The following KCNK16 variants were observed in gnomAD, a reference collection of about 807,000 sequenced individuals.
KCNK16 encodes potassium channel subfamily K member 16.
In KCNK16, 23 loss-of-function variants were observed where a neutral mutation model predicts 23.0. The observed-to-expected ratio is 1.00, with a 90% confidence interval of 0.72 to 1.41. The LOEUF (loss-of-function observed/expected upper bound fraction) is 1.41, where lower values mean the gene tolerates loss of function less well. Among genes scored for constraint, KCNK16 ranks in the 40% most tolerant of loss-of-function variants. The pLI, the probability that KCNK16 is intolerant of heterozygous loss-of-function variation, is 0.00. For synonymous variants in KCNK16, 145 were observed against 153.5 expected (o/e 0.94, Z 0.41); for missense variants, 327 against 365.8 (o/e 0.89, Z 0.87).
chr6:39,322,697 C>G lies in KCNK16; in HGVS notation c.-157G>C, dbSNP rs1164735608. 2 of 1,187,820 alleles carry G rather than the reference C, an allele frequency of 1.7e-6. No homozygotes were observed. Among genetic ancestry groups the G allele is most frequent in the African/African-American group, 3.1e-5 (2 of 64,736 alleles). The allele number at this position is 1,187,820 out of a possible 1,614,324, so 73.6% of individuals were successfully genotyped here. On this transcript the variant is annotated 5_prime_UTR_variant, in exon 1 of 5. Coordinates refer to ENST00000437525, the MANE Select transcript of KCNK16 (RefSeq NM_001135106.2). Reference sequence around the variant, plus strand: ...CTGGAGGCTGGGGAGACTGTTTGAACAGTGCGGCTCAGCTTGGCTGCACTA... The same window carrying G: ...CTGGAGGCTGGGGAGACTGTTTGAAGAGTGCGGCTCAGCTTGGCTGCACTA...
rs954340211 is a variant in KCNK16 at position 39,316,366 on chromosome 6, C to T, written c.738G>A (p.Trp246Ter). ...GGCCCAGTGGGAGGATCAGCGCCAG[C>T]CACGCCAGGCCCAGGAGGATCCAGA... ...AAIWILLGLA[W>*]LALILPLGPL... is the part of the protein sequence containing the mutation. Residue 246 changes from tryptophan to a stop codon, truncating the protein, a stop_gained, in exon 5 of 5, where the codon TGG becomes TGA. Transcript: ENST00000437525. LOFTEE classifies it high-confidence loss of function. 6.2e-7 allele frequency: 1 copy of T among 1,612,606 alleles called. No individual in the cohort carries two copies. The highest frequency in any genetic ancestry group is 8.5e-7 in the Non-Finnish European group (1 of 1,179,608).
chr6:39,317,779 G>A lies in KCNK16; in HGVS notation c.495+7C>T. 1 of 1,578,828 alleles carries A rather than the reference G, an allele frequency of 6.3e-7. No homozygotes were observed. The highest frequency in any genetic ancestry group is 8.6e-7 in the Non-Finnish European group (1 of 1,162,464). ...CAGCAGGCCTGTAAGGGAGTTAGGGGGCATACCTGGGAGCGCCTGGGACGG... is the reference window on the plus strand; with the variant it reads ...CAGCAGGCCTGTAAGGGAGTTAGGGAGCATACCTGGGAGCGCCTGGGACGG... On this transcript the variant is annotated splice_region_variant and intron_variant, in intron 3 of 4. Transcript: ENST00000437525.
chr6:39,317,168 C>T (rs1055255605), intron 3 of KCNK16, among the ~76,000 whole-genome samples: 4 of 152,172 alleles, frequency 2.6e-5, no homozygotes, highest in Non-Finnish European at 5.9e-5. Context: ...GGTCAAGAAG[C>T]GATTTGGAGA....
At position 39,316,268 on chromosome 6, in the gene KCNK16, G is replaced by A. The variant is rs1400471261; in HGVS notation, c.836C>T (p.Ser279Phe). The change falls in exon 5 of 5, where the codon TCT (serine) becomes TTT (phenylalanine). Residue 279 changes from serine (S) to phenylalanine (F), a missense_variant. Coordinates refer to ENST00000437525, the MANE Select transcript of KCNK16 (RefSeq NM_001135106.2). ...RGLGVKDGAA[S>F]DPSGLPRPQK... ...AGGCCTGGGGAGCCCACTGGGGTCA[G>A]AGGCTGCCCCATCCTTGACGCCGAG... is the stretch of plus-strand genomic sequence containing the variant. 6.3e-7 allele frequency: 1 copy of A among 1,584,180 alleles called. No homozygotes were observed. The highest frequency in any genetic ancestry group is 8.6e-7 in the Non-Finnish European group (1 of 1,165,966).
chr6:39,320,443 C>T (rs1452625997), intron 1 of KCNK16, among the ~76,000 whole-genome samples: 1 of 152,110 alleles, frequency 6.6e-6, no homozygotes, highest in Non-Finnish European at 1.5e-5. Context: ...TGCAGGTGGC[C>T]ATGGGTTCTG....
chr6:39,318,988 G>C (rs1191999235), intron 2 of KCNK16, 31 bp downstream of exon 2: 2 of 1,465,046 alleles, frequency 1.4e-6, no homozygotes. Flanking sequence ...CAGGGGCCTT[G>C]GGGAAGCTCT....
intron 1 of KCNK16, 38 bp downstream of exon 1, chr6:39,322,289 CA>C: frequency 5.0e-6 from 8 of 1,593,686 alleles, no homozygotes; most frequent in Non-Finnish European, 6.9e-6. Context: ...CCAACCTTCC[CA>C]AGCCTCTCCA....
At position 39,322,660 on chromosome 6, in the gene KCNK16, C is replaced by T. The variant is rs192041509; in HGVS notation, c.-120G>A. 910 of 1,406,002 alleles carry T rather than the reference C, an allele frequency of 6.5e-4. 9 individuals carry two copies. The African/African-American group carries it at 0.011, about 18-fold the overall frequency. 87.1% of individuals were successfully genotyped at this position (1,406,002 alleles called of 1,614,324 possible). On this transcript the variant is annotated 5_prime_UTR_variant, in exon 1 of 5. Coordinates refer to ENST00000437525, the MANE Select transcript of KCNK16 (RefSeq NM_001135106.2). Reference sequence around the variant, plus strand: ...CTGCCGCCTGCCCTGCCCTCCTCCTCGGCACAGGTGTCTGGAGGCTGGGGA... The same window carrying T: ...CTGCCGCCTGCCCTGCCCTCCTCCTTGGCACAGGTGTCTGGAGGCTGGGGA...
chr6:39,322,649 G>A lies in KCNK16; in HGVS notation c.-109C>T. On this transcript the variant is annotated 5_prime_UTR_variant, in exon 1 of 5. Transcript: ENST00000437525. ...CTGTGCCCAGGCTGCCGCCTGCCCT[G>A]CCCTCCTCCTCGGCACAGGTGTCTG... is the stretch of plus-strand genomic sequence containing the variant. 6.9e-7 allele frequency: 1 copy of A among 1,443,872 alleles called. No homozygotes were observed. Among genetic ancestry groups the A allele is most frequent in the Non-Finnish European group, 9.1e-7 (1 of 1,095,022 alleles). The allele number at this position is 1,443,872 out of a possible 1,614,324, so 89.4% of individuals were successfully genotyped here. A position where few individuals can be genotyped will look rare whatever the true frequency, so the allele number is the denominator to read the frequency against.
chr6:39,315,410 G>T, downstream of KCNK16: 1 of 1,551,126 alleles, frequency 6.4e-7, no homozygotes, highest in Non-Finnish European at 8.7e-7. Context: ...CCCAGAGGGA[G>T]TGATGAAGTT....
In KCNK16 at chr6:39,319,256, T is replaced by C. The variant is rs1241564847; in HGVS notation, c.214-123A>G. On this transcript the variant is annotated intron_variant, in intron 1 of 4. Transcript: ENST00000437525. The surrounding 1 kb of genome is among the most constrained non-coding windows in gnomAD (Gnocchi z 4.2). ...ATCTAATGATACTCTTAGATGATAT[T>C]GTTCCCATTTCATGGAAAAAGGAAA... 3 of 657,660 alleles carry C rather than the reference T, an allele frequency of 4.6e-6. No individual in the cohort carries two copies. In the Admixed American group the frequency reaches 7.2e-5, roughly 16 times the overall value. 40.7% of individuals were successfully genotyped at this position (657,660 alleles called of 1,614,324 possible). A position where few individuals can be genotyped will look rare whatever the true frequency, so the allele number is the denominator to read the frequency against.
At chr6:39,321,867 C>G (rs746983360) in intron 1 of KCNK16, among the ~76,000 whole-genome samples, 1 of 152,200 alleles carries the variant, frequency 6.6e-6, no homozygotes, top group Non-Finnish European at 1.5e-5. Flanking sequence ...GTCTCCCACC[C>G]GCAGCCGTCT....
At chr6:39,321,057 T>A (rs554327972) in intron 1 of KCNK16, among the ~76,000 whole-genome samples, 25 of 152,290 alleles carry the variant, frequency 1.6e-4, no homozygotes, top group African/African-American at 6.0e-4. Flanking sequence ...AGCCCACGCA[T>A]CATCTTCTAG....
At position 39,322,225 on chromosome 6, in the gene KCNK16, G is replaced by A. The variant is rs533835218; in HGVS notation, c.213+103C>T. On this transcript the variant is annotated intron_variant, in intron 1 of 4. Transcript: ENST00000437525. ...TTCCCACCACACTCTTCTTCCAAAT[G>A]GGGCATCAGCTCCTGGGTGAGGACT... 1.1e-4 allele frequency: 168 copies of A among 1,487,868 alleles called. No individual in the cohort carries two copies. The African/African-American group carries it at 2.1e-3, about 18-fold the overall frequency. The allele number at this position is 1,487,868 out of a possible 1,614,324, so 92.2% of individuals were successfully genotyped here. A position where few individuals can be genotyped will look rare whatever the true frequency, so the allele number is the denominator to read the frequency against.
chr6:39,318,989 G>A, intron 2 of KCNK16, 30 bp downstream of exon 2: 2 of 1,472,692 alleles, frequency 1.4e-6, no homozygotes, highest in Non-Finnish European at 1.9e-6. Context: ...AGGGGCCTTG[G>A]GGAAGCTCTT....
rs760382804 is a variant in KCNK16, at chr6:39,316,360, C to T, written c.744G>A (p.Ala248=). ...GCAGGGGGCCCAGTGGGAGGATCAG[C>T]GCCAGCCACGCCAGGCCCAGGAGGA... ...IWILLGLAWL[A]LILPLGPLLL... Residue 248 remains alanine, a synonymous_variant, in exon 5 of 5, where the codon GCG becomes GCA. Coordinates refer to ENST00000437525, the MANE Select transcript of KCNK16 (RefSeq NM_001135106.2). 1.2e-5 allele frequency: 20 copies of T among 1,612,256 alleles called. No individual in the cohort carries two copies. Among genetic ancestry groups the T allele is most frequent in the South Asian group, 4.4e-5 (4 of 90,502 alleles).
At position 39,316,858 on chromosome 6, in the gene KCNK16, C is replaced by T. The variant is rs1430671521; in HGVS notation, c.585G>A (p.Glu195=). 6.2e-7 allele frequency: 1 copy of T among 1,614,086 alleles called. No individual in the cohort carries two copies. The highest frequency in any genetic ancestry group is 1.7e-5 in the Admixed American group (1 of 60,014). ...IFPPMVFSHV[E]GWSFSEGFYF... is the part of the protein sequence containing the mutation. ...AGAAGCCCTCGCTGAAGCTCCAGCC[C>T]TCCACATGGCTGAAGACCATGGGTG... Residue 195 remains glutamate (E), a synonymous_variant, in exon 4 of 5, where the codon GAG becomes GAA. Coordinates refer to ENST00000437525, the MANE Select transcript of KCNK16 (RefSeq NM_001135106.2).
chr6:39,317,805 T>G lies in KCNK16; in HGVS notation c.476A>C (p.Asp159Ala), dbSNP rs191105194. 5.7e-4 allele frequency: 922 copies of G among 1,606,836 alleles called. No homozygotes were observed. The highest frequency in any genetic ancestry group is 7.6e-4 in the Non-Finnish European group (895 of 1,176,756). ...AHLAAIERWE[D>A]RPRRSQVLQV... ...GCATACCTGGGAGCGCCTGGGACGGTCCTCCCATCTTTCAATGGCGGCCAG... is the reference window on the plus strand; with the variant it reads ...GCATACCTGGGAGCGCCTGGGACGGGCCTCCCATCTTTCAATGGCGGCCAG... The change falls in exon 3 of 5, where the codon GAC (aspartate) becomes GCC (alanine). Residue 159 changes from aspartate (D) to alanine (A), a missense_variant. Asp to Ala is a moderately radical substitution (Grantham distance 126). Coordinates refer to ENST00000437525, the MANE Select transcript of KCNK16 (RefSeq NM_001135106.2).
chr6:39,321,452 G>A (rs1762513215), intron 1 of KCNK16, among the ~76,000 whole-genome samples: 1 of 152,200 alleles, frequency 6.6e-6, no homozygotes, highest in Admixed American at 6.5e-5. Context: ...CCTGTAACAC[G>A]CTCAGTGTCA....
Sources: allele counts gnomAD v4.1 joint callset (sites outside exome capture counted in the v4.1 genomes callset), GRCh38; gene constraint gnomAD v4.1.1; non-coding constraint Gnocchi (gnomAD v3.1); transcripts MANE v1.5; gene names NCBI Gene and HGNC (gene_info 2026-07-23, HGNC 2026-07-21).